CAPN8: variants seen among roughly 807,000 people sequenced by gnomAD.
CAPN8 encodes the protein calpain 8.
A neutral mutation model predicts 80.9 loss-of-function variants in CAPN8; 87 were observed. That is an observed-to-expected ratio of 1.07 (90% confidence interval 0.90 to 1.28). The LOEUF is 1.28. Ranked by LOEUF, CAPN8 falls within the 50% of genes most tolerant of loss-of-function variation. The probability of loss-of-function intolerance (pLI) is 0.00; values close to 1 mark genes in which losing one functional copy is unlikely to be tolerated. For missense variants in CAPN8, 757 were observed against 702.0 expected (o/e 1.08, Z -0.89); for synonymous variants, 299 against 273.8 (o/e 1.09, Z -0.91).
intron 2 of CAPN8, among the ~76,000 whole-genome samples, chr1:223,643,117 A>G (rs1373195788): frequency 6.6e-6 from 1 of 152,220 alleles, no homozygotes; most frequent in African/African-American, 2.4e-5. Context: ...AAAATGCTAG[A>G]AGCCAGGTGT....
In CAPN8 at chr1:223,665,530, GCA is replaced by G; in HGVS notation, c.115_116del (p.Cys39LeufsTer8). On this transcript the variant is annotated frameshift_variant, in exon 1 of 21. Coordinates refer to ENST00000366872, the MANE Select transcript of CAPN8 (RefSeq NM_001143962.2). LOFTEE classifies it high-confidence loss of function. The stretch of plus-strand genomic sequence containing the variant: ...CCTTAAATAGGACCCCTGAGTCCAA[GCA>G]CTGTTGCCTCAGGGTCTTGAAATCC... ...GQDFKTLRQQ[C>X]LDSGVLFKDP... is the part of the protein sequence containing the mutation. 6.4e-7 allele frequency: 1 copy of G among 1,551,746 alleles called. No individual in the cohort carries two copies. Among genetic ancestry groups the G allele is most frequent in the Non-Finnish European group, 8.7e-7 (1 of 1,146,998 alleles).
intron 12 of CAPN8, among the ~76,000 whole-genome samples, chr1:223,558,601 G>A (rs1051911197): frequency 8.7e-4 from 133 of 152,110 alleles, no homozygotes; most frequent in African/African-American, 3.2e-3. Flanking sequence ...TGTGTCATAT[G>A]TATGTGGTAT....
intron 1 of CAPN8, among the ~76,000 whole-genome samples, chr1:223,662,386 T>C (rs1390354287): frequency 6.6e-6 from 1 of 151,676 alleles, no homozygotes; most frequent in Non-Finnish European, 1.5e-5. Context: ...GAGGCAGAGG[T>C]TGCAGGGAGC....
chr1:223,660,969 C>A (rs1205769074), intron 1 of CAPN8, among the ~76,000 whole-genome samples: 1 of 152,108 alleles, frequency 6.6e-6, no homozygotes, highest in Non-Finnish European at 1.5e-5. Flanking sequence ...GAGTTTGAGA[C>A]CAGCCTCGCC....
intron 1 of CAPN8, among the ~76,000 whole-genome samples, chr1:223,663,325 G>A (rs1318731856): frequency 6.6e-6 from 1 of 152,148 alleles, no homozygotes; most frequent in Non-Finnish European, 1.5e-5. Context: ...GGTCTCTAAA[G>A]GAAAATTTTC....
chr1:223,613,087 A>T (rs539122200), intron 10 of CAPN8, among the ~76,000 whole-genome samples: 1 of 152,130 alleles, frequency 6.6e-6, no homozygotes, highest in Non-Finnish European at 1.5e-5. Context: ...GAGGATTCAG[A>T]CCCCATAATT....
chr1:223,665,676 G>T lies in CAPN8; in HGVS notation c.-30C>A. On this transcript the variant is annotated 5_prime_UTR_variant, in exon 1 of 21. Transcript: ENST00000366872. ...GTGGGCTCTGTAGGGTGGACAGAAG[G>T]GCAGGGCTGCACTGTACTCTCAGAC... 2.6e-6 allele frequency: 4 copies of T among 1,523,384 alleles called. No individual in the cohort carries two copies. In the South Asian group the frequency reaches 4.8e-5, roughly 18 times the overall value. The allele number at this position is 1,523,384 out of a possible 1,614,324, so 94.4% of individuals were successfully genotyped here.
In CAPN8 at chr1:223,664,585, C is replaced by T. The variant is rs116522707; in HGVS notation, c.237+825G>A. Among the ~76,000 whole-genome samples, 1,225 of 152,312 alleles carry T rather than the reference C, an allele frequency of 8.0e-3. 16 individuals are homozygous for T. Among genetic ancestry groups the T allele is most frequent in the African/African-American group, 0.028 (1,154 of 41,556 alleles). On this transcript the variant is annotated intron_variant, in intron 1 of 20. Coordinates refer to ENST00000366872, the MANE Select transcript of CAPN8 (RefSeq NM_001143962.2). Reference sequence around the variant, plus strand: ...ACACAGGCAGAGCTAGGATTCAAATCTATCTTACCTAGTTCCAAAGCTCAT... The same window carrying T: ...ACACAGGCAGAGCTAGGATTCAAATTTATCTTACCTAGTTCCAAAGCTCAT...
At chr1:223,620,482 G>A (rs1222102586) in intron 7 of CAPN8, among the ~76,000 whole-genome samples, 1 of 152,182 alleles carries the variant, frequency 6.6e-6, no homozygotes, top group Non-Finnish European at 1.5e-5. Flanking sequence ...TAGCACGATG[G>A]CCTTGGACAT....
chr1:223,660,642 T>A (rs1335038385), intron 1 of CAPN8, among the ~76,000 whole-genome samples: 1 of 152,130 alleles, frequency 6.6e-6, no homozygotes, highest in Non-Finnish European at 1.5e-5. Context: ...TCAGAAAATA[T>A]CTAAGTATCA....
chr1:223,610,996 C>A (rs1657016055), intron 11 of CAPN8, among the ~76,000 whole-genome samples: 1 of 142,478 alleles, frequency 7.0e-6, no homozygotes, highest in African/African-American at 2.7e-5. Context: ...GAAGCACATT[C>A]TAAGTTTGAC....
chr1:223,611,671 T>G (rs1285828686), intron 11 of CAPN8, among the ~76,000 whole-genome samples: 1 of 152,222 alleles, frequency 6.6e-6, no homozygotes, highest in Non-Finnish European at 1.5e-5. Flanking sequence ...TCACCTGCCC[T>G]GCATCAGTAA....
intron 6 of CAPN8, among the ~76,000 whole-genome samples, chr1:223,625,442 T>C (rs566911130): frequency 6.6e-6 from 1 of 152,210 alleles, no homozygotes; most frequent in African/African-American, 2.4e-5. Context: ...TTCTTTTATT[T>C]TTTTTGTTTT....
chr1:223,623,269 A>G (rs776954392), intron 6 of CAPN8, among the ~76,000 whole-genome samples: 1 of 152,200 alleles, frequency 6.6e-6, no homozygotes, highest in Non-Finnish European at 1.5e-5. Flanking sequence ...GTTAACATTT[A>G]TCGAGCAGGT....
chr1:223,614,090 GCTGGT>G (rs1399769910), intron 10 of CAPN8, among the ~76,000 whole-genome samples: 1 of 152,206 alleles, frequency 6.6e-6, no homozygotes, highest in African/African-American at 2.4e-5. Context: ...AGAATGCTTT[GCTGGT>G]CTGGTTATAT....
At chr1:223,647,925 T>G (rs1436885036) in intron 2 of CAPN8, among the ~76,000 whole-genome samples, 1 of 152,180 alleles carries the variant, frequency 6.6e-6, no homozygotes, top group Non-Finnish European at 1.5e-5. Context: ...TCATGTGATA[T>G]GAAAATCACC....
intron 14 of CAPN8, 114 bp from the exon 15 acceptor site, chr1:223,551,131 G>C: frequency 1.6e-6 from 1 of 628,726 alleles, no homozygotes; most frequent in Non-Finnish European, 2.9e-6. Flanking sequence ...GGCCCTGTGA[G>C]GTTTATTTGT....
chr1:223,544,627 G>GT (rs1417705536), intron 18 of CAPN8, 145 bp downstream of exon 18: 27 of 1,096,870 alleles, frequency 2.5e-5, no homozygotes, highest in Non-Finnish European at 3.2e-5. Context: ...GACAGGGAAG[G>GT]TACTCAACAA....
At chr1:223,635,016 C>T (rs1406944020) in intron 2 of CAPN8, among the ~76,000 whole-genome samples, 6 of 152,208 alleles carry the variant, frequency 3.9e-5, no homozygotes, top group Non-Finnish European at 8.8e-5. Flanking sequence ...AACTGGGGCT[C>T]CTCAGCAAGC....
Sources: allele counts gnomAD v4.1 joint callset (sites outside exome capture counted in the v4.1 genomes callset), GRCh38; gene constraint gnomAD v4.1.1; transcripts MANE v1.5; gene names NCBI Gene and HGNC (gene_info 2026-07-23, HGNC 2026-07-21).